AMOTL1: variants seen among roughly 807,000 people sequenced by gnomAD.
AMOTL1 encodes the protein angiomotin like 1, also known as angiomotin-like protein 1.
In AMOTL1, 45 loss-of-function variants were observed where a neutral mutation model predicts 102.9. That is an observed-to-expected ratio of 0.44 (90% confidence interval 0.34 to 0.56). AMOTL1 has a LOEUF of 0.56. Among genes scored for constraint, AMOTL1 ranks in the 20% least tolerant of loss-of-function variants. The pLI is 0.01. For missense variants in AMOTL1, 1,114 were observed against 1,225.6 expected (o/e 0.91, Z 1.36); for synonymous variants, 481 against 484.7 (o/e 0.99, Z 0.10).
intron 3 of AMOTL1, among the ~76,000 whole-genome samples, chr11:94,742,209 T>C (rs998897204): frequency 1.3e-5 from 2 of 152,264 alleles, no homozygotes; most frequent in Non-Finnish European, 2.9e-5. Context: ...TTTTAAGACA[T>C]ACTGTGGTGA....
rs1275506715 is a variant in AMOTL1, at chr11:94,869,455, G to T, written c.2746G>T (p.Gly916Trp). 6.2e-7 allele frequency: 1 copy of T among 1,601,162 alleles called. No individual in the cohort carries two copies. The highest frequency in any genetic ancestry group is 8.5e-7 in the Non-Finnish European group (1 of 1,174,006). ...SPVLKHPAAK[G>W]TAEKLENSPG... Reference sequence around the variant, plus strand: ...CGTCCTGAAACACCCAGCGGCCAAAGGGACCGCAGAGAAACTGGGTATGTG... The same window carrying T: ...CGTCCTGAAACACCCAGCGGCCAAATGGACCGCAGAGAAACTGGGTATGTG... The change falls in exon 12 of 13, where the codon GGG (glycine) becomes TGG (tryptophan). Residue 916 changes from glycine to tryptophan, a missense_variant. Gly to Trp is a radical substitution (Grantham distance 184). Transcript: ENST00000433060.
At position 94,768,681 on chromosome 11, in the gene AMOTL1, C is replaced by T. The variant is rs534329669; in HGVS notation, c.49+121C>T. ...CGGAAGGGGGCAGCTTCTGGGGGCCCGGGGCTGAGATCCCAGATTGTTGTT... is the reference window on the plus strand; with the variant it reads ...CGGAAGGGGGCAGCTTCTGGGGGCCTGGGGCTGAGATCCCAGATTGTTGTT... On this transcript the variant is annotated intron_variant, in intron 1 of 12. Transcript: ENST00000433060. 7.7e-6 allele frequency: 11 copies of T among 1,433,992 alleles called. No homozygotes were observed. In the East Asian group the frequency reaches 1.8e-4, roughly 23 times the overall value. 88.8% of individuals were successfully genotyped at this position (1,433,992 alleles called of 1,614,324 possible). A position where few individuals can be genotyped will look rare whatever the true frequency, so the allele number is the denominator to read the frequency against.
At chr11:94,832,630 A>G (rs954809247) in intron 6 of AMOTL1, among the ~76,000 whole-genome samples, 6 of 152,236 alleles carry the variant, frequency 3.9e-5, no homozygotes, top group Admixed American at 1.3e-4. Flanking sequence ...ATAAAAGGCT[A>G]TAGCGGCACT....
At chr11:94,730,249 T>C (rs566936571) in intron 2 of AMOTL1, among the ~76,000 whole-genome samples, 2 of 152,168 alleles carry the variant, frequency 1.3e-5, no homozygotes, top group South Asian at 2.1e-4. Context: ...CCATCACTAA[T>C]AGCAACCCCC....
chr11:94,793,276 CTT>C (rs1471870379), intron 1 of AMOTL1, among the ~76,000 whole-genome samples: 2 of 152,160 alleles, frequency 1.3e-5, no homozygotes, highest in Admixed American at 1.3e-4. Flanking sequence ...CAACTCCTCT[CTT>C]ACTCTGATTT....
rs575663838 is a variant in AMOTL1 at position 94,810,458 on chromosome 11, A to C, written c.1121+10147A>C. ...AACTACTCTCTTTCTTACTTTAAACACCCCAGAGTAATCTCTGCTACAATA... is the reference window on the plus strand; with the variant it reads ...AACTACTCTCTTTCTTACTTTAAACCCCCCAGAGTAATCTCTGCTACAATA... On this transcript the variant is annotated intron_variant, in intron 3 of 12. Transcript: ENST00000433060. 4.3e-3 allele frequency among the ~76,000 whole-genome samples: 613 copies of C among 142,554 alleles called. 12 individuals carry two copies. The highest frequency in any genetic ancestry group is 0.035 in the South Asian group (156 of 4,492). 93.5% of individuals were successfully genotyped at this position (142,554 alleles called of 152,430 possible). A position where few individuals can be genotyped will look rare whatever the true frequency, so the allele number is the denominator to read the frequency against.
At chr11:94,739,675 A>T (rs2135474212) in intron 2 of AMOTL1, among the ~76,000 whole-genome samples, 1 of 152,250 alleles carries the variant, frequency 6.6e-6, no homozygotes, top group Non-Finnish European at 1.5e-5. Context: ...AGGATGGAGA[A>T]AGGACAACCA....
chr11:94,768,385 C>CG lies in AMOTL1; in HGVS notation c.-125dup. On this transcript the variant is annotated 5_prime_UTR_variant, in exon 1 of 13. Transcript: ENST00000433060. The stretch of plus-strand genomic sequence containing the variant: ...CGCGAGAAGCTCTAGGACCCAGCAG[C>CG]GGTTGTCGGGTTTGGGGCTGGAGGT... 1.3e-6 allele frequency: 2 copies of CG among 1,499,134 alleles called. No homozygotes were observed. The highest frequency in any genetic ancestry group is 1.8e-6 in the Non-Finnish European group (2 of 1,124,230). The allele number at this position is 1,499,134 out of a possible 1,614,324, so 92.9% of individuals were successfully genotyped here.
chr11:94,815,078 A>C (rs1321597208), intron 3 of AMOTL1, among the ~76,000 whole-genome samples: 2 of 152,320 alleles, frequency 1.3e-5, no homozygotes, highest in South Asian at 4.1e-4. Flanking sequence ...GACTTAAGTA[A>C]ATTTTTAATA....
chr11:94,805,925 C>G (rs373031927), intron 3 of AMOTL1, among the ~76,000 whole-genome samples: 95 of 152,338 alleles, frequency 6.2e-4, no homozygotes, highest in Non-Finnish European at 1.1e-3. Context: ...CCACCACCTT[C>G]TTTCTCATCA....
chr11:94,729,748 G>A (rs187709150), intron 2 of AMOTL1, among the ~76,000 whole-genome samples: 6 of 152,290 alleles, frequency 3.9e-5, no homozygotes, highest in African/African-American at 1.4e-4. Context: ...TGCACTCACA[G>A]ATGTTTTCAC....
chr11:94,826,185 C>T (rs909349111), intron 4 of AMOTL1, among the ~76,000 whole-genome samples: 1 of 152,210 alleles, frequency 6.6e-6, no homozygotes, highest in East Asian at 1.9e-4. Context: ...TCCAGCTGCC[C>T]TGGAGGCTGA....
chr11:94,822,523 A>C (rs1177672151), intron 4 of AMOTL1, among the ~76,000 whole-genome samples: 3 of 152,198 alleles, frequency 2.0e-5, no homozygotes. Flanking sequence ...TTGTGTTGTC[A>C]TGTTCATTTC....
chr11:94,849,025 C>T (rs1349554212), intron 6 of AMOTL1, among the ~76,000 whole-genome samples: 1 of 152,142 alleles, frequency 6.6e-6, no homozygotes, highest in East Asian at 1.9e-4. Context: ...CAGTATGGAA[C>T]ATTGAAATGG....
chr11:94,740,796 GGGGC>G, intron 2 of AMOTL1: 1 of 555,886 alleles, frequency 1.8e-6, no homozygotes, highest in South Asian at 1.6e-5. Flanking sequence ...TGAATCCCGC[GGGGC>G]CTCCGGCTCA....
chr11:94,808,943 C>T (rs964258310), intron 3 of AMOTL1, among the ~76,000 whole-genome samples: 8 of 148,744 alleles, frequency 5.4e-5, no homozygotes, highest in African/African-American at 2.0e-4. Flanking sequence ...TCTACCAAGT[C>T]TCTAAATTCT....
chr11:94,785,431 T>A (rs1951170895), intron 1 of AMOTL1, among the ~76,000 whole-genome samples: 1 of 152,180 alleles, frequency 6.6e-6, no homozygotes, highest in African/African-American at 2.4e-5. Context: ...TGGTGATAAA[T>A]AATATGATTT....
chr11:94,717,912 A>G (rs913883140), intron 1 of AMOTL1, among the ~76,000 whole-genome samples: 1 of 151,898 alleles, frequency 6.6e-6, no homozygotes, highest in South Asian at 2.1e-4. Context: ...ATATGAAAGA[A>G]AGATAAACTC....
chr11:94,721,167 A>G (rs1444048132), intron 1 of AMOTL1, among the ~76,000 whole-genome samples: 1 of 152,072 alleles, frequency 6.6e-6, no homozygotes, highest in Non-Finnish European at 1.5e-5. Context: ...GGTCTGTACC[A>G]TGTGTAGCTA....
Sources: gnomAD v4.1 joint callset for allele counts (sites outside exome capture counted in the v4.1 genomes callset) on GRCh38, gnomAD v4.1.1 for gene constraint, MANE v1.5 for transcripts, NCBI Gene and HGNC (gene_info 2026-07-23, HGNC 2026-07-21) for gene names.